DNAAF9: variants seen among roughly 807,000 people sequenced by gnomAD.
The protein encoded by DNAAF9 is shulin.
In DNAAF9, 90 loss-of-function variants were observed where a neutral mutation model predicts 167.0. That is an observed-to-expected ratio of 0.54 (90% CI 0.45 to 0.64). DNAAF9 has a LOEUF of 0.64. Ranked by LOEUF, DNAAF9 falls within the 30% of genes least tolerant of loss-of-function variation. The probability of loss-of-function intolerance (pLI) is 0.00; values close to 1 mark genes in which losing one functional copy is unlikely to be tolerated. For synonymous variants in DNAAF9, 491 were observed against 508.8 expected (o/e 0.96, Z 0.47); for missense variants, 1,315 against 1,442.2 (o/e 0.91, Z 1.43).
chr20:3,309,503 C>T (rs925785654), intron 20 of DNAAF9, among the ~76,000 whole-genome samples: 2 of 152,124 alleles, frequency 1.3e-5, no homozygotes, highest in African/African-American at 2.4e-5. Context: ...TGGAACAGAA[C>T]AGAGAGCCTA....
At chr20:3,366,956 A>G (rs187517524) in intron 6 of DNAAF9, among the ~76,000 whole-genome samples, 41 of 152,036 alleles carry the variant, frequency 2.7e-4, no homozygotes, top group Admixed American at 2.5e-3. Flanking sequence ...TTAAAAAAAT[A>G]AAAATAAAAA....
intron 25 of DNAAF9, among the ~76,000 whole-genome samples, chr20:3,291,778 T>A (rs904332922): frequency 7.2e-5 from 11 of 152,134 alleles, no homozygotes; most frequent in Non-Finnish European, 2.9e-5. Context: ...CGTAAATCCC[T>A]CTTCTTTTGT....
At chr20:3,278,717 TC>T (rs1372157537) in intron 29 of DNAAF9, among the ~76,000 whole-genome samples, 194 bp downstream of exon 29, 1 of 151,782 alleles carries the variant, frequency 6.6e-6, no homozygotes, top group Non-Finnish European at 1.5e-5. Context: ...AGACTCCGTC[TC>T]AAAAAAAAGA....
chr20:3,318,417 A>C lies in DNAAF9; in HGVS notation c.1357-17T>G. ...CATACAAGCCTGCATTGAATGAGAA[A>C]CCAGTTAGATCAGTTACCAGCCCAA... On this transcript the variant is annotated splice_polypyrimidine_tract_variant and intron_variant, in intron 16 of 36. Coordinates refer to ENST00000252032, the MANE Select transcript of DNAAF9 (RefSeq NM_001009984.3). 7.7e-7 allele frequency: 1 copy of C among 1,299,112 alleles called. No homozygotes were observed. Among genetic ancestry groups the C allele is most frequent in the Non-Finnish European group, 1.1e-6 (1 of 894,636 alleles). The allele number at this position is 1,299,112 out of a possible 1,614,324, so 80.5% of individuals were successfully genotyped here.
chr20:3,263,791 G>C (rs1439852760), intron 31 of DNAAF9, among the ~76,000 whole-genome samples: 2 of 152,210 alleles, frequency 1.3e-5, no homozygotes, highest in Non-Finnish European at 2.9e-5. Context: ...CTGTGTGGCT[G>C]AAAGACTGAA....
rs11424663 is a variant in DNAAF9, at chr20:3,316,890, CTTTTTTTT to C, written c.1469-105_1469-98del. On this transcript the variant is annotated intron_variant, in intron 17 of 36. Transcript: ENST00000252032. ...AATGCCCTTCTCAGGAGCTAGGGTTCTTTTTTTTTTTTTTTTTTTTTTGAGACAGAATC... is the reference window on the plus strand; with the variant it reads ...AATGCCCTTCTCAGGAGCTAGGGTTCTTTTTTTTTTTTTTGAGACAGAATC... The C allele has an allele frequency of 8.0e-5, 20 of 250,652 alleles. No individual in the cohort carries two copies. The East Asian group carries it at 1.1e-3, about 13-fold the overall frequency. The allele number at this position is 250,652 out of a possible 1,614,324, so 15.5% of individuals were successfully genotyped here. A position where few individuals can be genotyped will look rare whatever the true frequency, so the allele number is the denominator to read the frequency against.
In DNAAF9 at chr20:3,352,659, C is replaced by T. The variant is rs74450521; in HGVS notation, c.691-4036G>A. Among the ~76,000 whole-genome samples the T allele has an allele frequency of 8.9e-3, 1,360 of 152,154 alleles. 15 individuals carry two copies. Among genetic ancestry groups the T allele is most frequent in the East Asian group, 0.015 (80 of 5,186 alleles). ...ATATAGCTGGGATGACTACTATCTA[C>T]CTTGCAGAGATATTACAGGAATTAA... is the stretch of plus-strand genomic sequence containing the variant. On this transcript the variant is annotated intron_variant, in intron 7 of 36. Transcript: ENST00000252032.
intron 24 of DNAAF9, 76 bp downstream of exon 24, chr20:3,294,451 TA>T: frequency 9.9e-7 from 1 of 1,011,006 alleles, no homozygotes; most frequent in Non-Finnish European, 1.5e-6. Context: ...AAAAGGAGCT[TA>T]AAAGGACCAA....
At chr20:3,371,365 CT>C (rs1394347572) in intron 6 of DNAAF9, among the ~76,000 whole-genome samples, 11 of 97,146 alleles carry the variant, frequency 1.1e-4, no homozygotes, top group East Asian at 3.5e-4. Flanking sequence ...TTTTTTGAGA[CT>C]GGAGTCTCGC....
rs532731486 is a variant in DNAAF9, at chr20:3,389,973, C to T, written c.84-7467G>A. On this transcript the variant is annotated intron_variant, in intron 1 of 36. Transcript: ENST00000252032. ...ATCACTGGAACCTGGAAGGCAGAGG[C>T]TGCAGTGAGCCAAGATCACGCCACT... Among the ~76,000 whole-genome samples the T allele has an allele frequency of 2.7e-5, 4 of 150,818 alleles. No homozygotes were observed. In the South Asian group the frequency reaches 8.4e-4, roughly 32 times the overall value.
chr20:3,269,228 T>C (rs1243655071), intron 30 of DNAAF9, among the ~76,000 whole-genome samples: 3 of 149,032 alleles, frequency 2.0e-5, no homozygotes, highest in Non-Finnish European at 4.5e-5. Flanking sequence ...TTTTTTTTAA[T>C]AGACAAAGTC....
At chr20:3,372,841 A>G (rs1448060000) in intron 6 of DNAAF9, among the ~76,000 whole-genome samples, 1 of 152,224 alleles carries the variant, frequency 6.6e-6, no homozygotes, top group Non-Finnish European at 1.5e-5. Context: ...GTCAATTCAC[A>G]TAAAGTGCTT....
At position 3,295,925 on chromosome 20, in the gene DNAAF9, C is replaced by T; in HGVS notation, c.2018+936G>A. The T allele has an allele frequency of 2.6e-6, 4 of 1,559,420 alleles. No individual in the cohort carries two copies. In the South Asian group the frequency reaches 4.4e-5, roughly 17 times the overall value. On this transcript the variant is annotated intron_variant, in intron 23 of 36. Transcript: ENST00000252032. Reference sequence around the variant, plus strand: ...TGAATGTTCTCTCAGTAAACTCAGACATATTTCCCCTGTCTCTGTGATGTT... The same window carrying T: ...TGAATGTTCTCTCAGTAAACTCAGATATATTTCCCCTGTCTCTGTGATGTT...
chr20:3,330,721 G>C (rs758391572), intron 11 of DNAAF9, 39 bp from the exon 12 acceptor site: 7 of 1,367,408 alleles, frequency 5.1e-6, no homozygotes, highest in Non-Finnish European at 7.2e-6. Context: ...CAAGAGCACA[G>C]GATATGCAAA....
In DNAAF9 at chr20:3,393,090, T is replaced by C. The variant is rs538455695; in HGVS notation, c.84-10584A>G. ...TCAGAGATCTTTCCAGCTTAGTACA[T>C]AGAACCAAATCTCATTTTTAAAACT... On this transcript the variant is annotated intron_variant, in intron 1 of 36. Transcript: ENST00000252032. Among the ~76,000 whole-genome samples the C allele has an allele frequency of 5.5e-4, 84 of 152,196 alleles. 1 individual carries two copies. Among genetic ancestry groups the C allele is most frequent in the Admixed American group, 2.0e-4 (3 of 15,278 alleles).
chr20:3,276,875 C>T (rs1317591418), intron 29 of DNAAF9, among the ~76,000 whole-genome samples: 1 of 152,188 alleles, frequency 6.6e-6, no homozygotes, highest in Non-Finnish European at 1.5e-5. Flanking sequence ...AACACTTCCT[C>T]AACTTCACCT....
intron 1 of DNAAF9, among the ~76,000 whole-genome samples, chr20:3,405,144 C>T (rs997273138): frequency 1.3e-5 from 2 of 152,222 alleles, no homozygotes; most frequent in Admixed American, 6.5e-5. Flanking sequence ...TAAAATTCTA[C>T]TACATGCTCA....
At chr20:3,403,828 T>C (rs1169464532) in intron 1 of DNAAF9, among the ~76,000 whole-genome samples, 1 of 152,138 alleles carries the variant, frequency 6.6e-6, no homozygotes, top group African/African-American at 2.4e-5. Context: ...AATCAATTTA[T>C]GTTTTTTAGA....
intron 10 of DNAAF9, among the ~76,000 whole-genome samples, chr20:3,339,691 T>C (rs2070039448): frequency 6.6e-6 from 1 of 152,220 alleles, no homozygotes; most frequent in African/African-American, 2.4e-5. Context: ...GTCTCCAGGC[T>C]GTGATCATCA....
Sources: gnomAD v4.1 joint callset for allele counts (sites outside exome capture counted in the v4.1 genomes callset) on GRCh38, gnomAD v4.1.1 for gene constraint, MANE v1.5 for transcripts, NCBI Gene and HGNC (gene_info 2026-07-23, HGNC 2026-07-21) for gene names.